Variants in LIPA observed in about 807,000 individuals in gnomAD.
LIPA encodes lysosomal acid lipase/cholesteryl ester hydrolase.
Under a neutral mutation model 40.6 loss-of-function variants are expected in LIPA, and 26 were observed. The ratio of observed to expected loss-of-function variants is 0.64; its 90% CI spans 0.47 to 0.89. The LOEUF is 0.89. LIPA is among the 40% of genes least tolerant of loss of function. The pLI, the probability that LIPA is intolerant of heterozygous loss-of-function variation, is 0.00. For missense variants in LIPA, 455 were observed against 479.6 expected, an observed-to-expected ratio of 0.95 and a Z score of 0.48; for synonymous variants, 188 against 168.4, an observed-to-expected ratio of 1.12 and a Z score of -0.90.
intron 1 of LIPA, among the ~76,000 whole-genome samples, chr10:89,259,852 A>T (rs1843198045): frequency 6.6e-6 from 1 of 152,190 alleles, no homozygotes; most frequent in South Asian, 2.1e-4. Flanking sequence ...CAGTCACAGA[A>T]AATTAGTGGT....
intron 3 of LIPA, among the ~76,000 whole-genome samples, chr10:89,243,639 C>T (rs1842989739): frequency 6.6e-6 from 1 of 152,050 alleles, no homozygotes; most frequent in Non-Finnish European, 1.5e-5. Context: ...CAGGGGCAAA[C>T]CCAGGTGTAG....
chr10:89,303,863 T>C (rs1260562449), intron 1 of LIPA, among the ~76,000 whole-genome samples: 1 of 152,166 alleles, frequency 6.6e-6, no homozygotes, highest in African/African-American at 2.4e-5. Context: ...TTAGGATGCG[T>C]GCTGCACATG....
At chr10:89,280,594 C>A (rs1274883553) in intron 1 of LIPA, among the ~76,000 whole-genome samples, 1 of 152,200 alleles carries the variant, frequency 6.6e-6, no homozygotes, top group Non-Finnish European at 1.5e-5. Context: ...CCCAGCTTCA[C>A]CCATTCATCT....
intron 2 of LIPA, among the ~76,000 whole-genome samples, chr10:89,394,627 TAA>T (rs200724657): frequency 0.17 from 5,881 of 34,848 alleles, 937 homozygotes; most frequent in African/African-American, 0.5. Flanking sequence ...TATATATATA[TAA>T]AACTTGAATT....
chr10:89,336,576 T>C (rs955255058), intron 1 of LIPA, among the ~76,000 whole-genome samples: 1 of 152,240 alleles, frequency 6.6e-6, no homozygotes, highest in African/African-American at 2.4e-5. Context: ...GCAAATAAAG[T>C]CAATGGCTCC....
At chr10:89,401,133 T>C (rs986847030) in intron 2 of LIPA, among the ~76,000 whole-genome samples, 5 of 152,168 alleles carry the variant, frequency 3.3e-5, no homozygotes, top group Non-Finnish European at 7.4e-5. Flanking sequence ...TTTTTTTTTT[T>C]TGAGACTGAG....
intron 1 of LIPA, chr10:89,302,075 A>T: frequency 6.2e-7 from 1 of 1,612,928 alleles, no homozygotes; most frequent in Non-Finnish European, 8.5e-7. Context: ...TGAAGAGTGC[A>T]GCTGCCTGAA....
At chr10:89,277,177 A>C (rs1487707895) in intron 1 of LIPA, among the ~76,000 whole-genome samples, 1 of 152,232 alleles carries the variant, frequency 6.6e-6, no homozygotes, top group Non-Finnish European at 1.5e-5. Flanking sequence ...ATGGAAGAAT[A>C]AAGCCTGCAT....
intron 2 of LIPA, chr10:89,378,050 A>G (rs1844135129): frequency 7.0e-7 from 1 of 1,428,972 alleles, no homozygotes; most frequent in Non-Finnish European, 9.8e-7. Context: ...TTATCTGAGA[A>G]GCCCTAGAAC....
At position 89,228,310 on chromosome 10, in the gene LIPA, G is replaced by A. The variant is rs1438679981; in HGVS notation, c.318C>T (p.Phe106=). Residue 106 remains phenylalanine, a synonymous_variant, in exon 4 of 10, where the codon TTC becomes TTT. Coordinates refer to ENST00000336233, the MANE Select transcript of LIPA (RefSeq NM_000235.4). ...VTNLANSSLG[F]ILADAGFDVW... Reference sequence around the variant, plus strand: ...CGTCAAAACCAGCATCAGCAAGAATGAAGCCCAGGCTGCTGTTGGCAAGGT... The same window carrying A: ...CGTCAAAACCAGCATCAGCAAGAATAAAGCCCAGGCTGCTGTTGGCAAGGT... 2 of 1,614,092 alleles carry A rather than the reference G, an allele frequency of 1.2e-6. No individual in the cohort carries two copies. Among genetic ancestry groups the A allele is most frequent in the Admixed American group, 1.7e-5 (1 of 60,004 alleles).
At chr10:89,403,799 CATT>C (rs1844483533) in intron 2 of LIPA, 3 of 722,298 alleles carry the variant, frequency 4.2e-6, no homozygotes, top group Non-Finnish European at 6.8e-6. Flanking sequence ...TTTTCAGAAA[CATT>C]ATAATTCACT....
chr10:89,373,955 C>T (rs557493820), intron 2 of LIPA, among the ~76,000 whole-genome samples: 4 of 152,252 alleles, frequency 2.6e-5, no homozygotes, highest in South Asian at 4.1e-4. Flanking sequence ...TTTGGGATTA[C>T]TTTTTTCAGA....
intron 6 of LIPA, among the ~76,000 whole-genome samples, chr10:89,224,282 TTTTTA>T (rs1472277407): frequency 6.6e-6 from 1 of 152,324 alleles, no homozygotes; most frequent in South Asian, 2.1e-4. Flanking sequence ...ATCGCTTGCT[TTTTTA>T]TTTTGTTTTT....
intron 1 of LIPA, chr10:89,338,576 G>T: frequency 7.6e-7 from 1 of 1,319,850 alleles, no homozygotes; most frequent in Non-Finnish European, 1.0e-6. Context: ...CTGTGGCCCA[G>T]TTCAATTGAC....
In LIPA at chr10:89,353,940, C is replaced by CA. The variant is rs796348512; in HGVS notation, c.61+58850dup. 8.6e-3 allele frequency among the ~76,000 whole-genome samples: 1,207 copies of CA among 140,702 alleles called. 13 individuals are homozygous for CA. Among genetic ancestry groups the CA allele is most frequent in the African/African-American group, 0.022 (840 of 38,536 alleles). The allele number at this position is 140,702 out of a possible 152,430, so 92.3% of individuals were successfully genotyped here. A position where few individuals can be genotyped will look rare whatever the true frequency, so the allele number is the denominator to read the frequency against. ...TGGGTGACAGAATGAGACTCCGTCT[C>CA]AAAAAAAAAAAAGAATATAAAGTGC... is the stretch of plus-strand genomic sequence containing the variant. On this transcript the variant is annotated intron_variant, in intron 2 of 8. Coordinates refer to the LIPA transcript ENST00000371837.
At chr10:89,375,180 G>A (rs1005093098) in intron 2 of LIPA, among the ~76,000 whole-genome samples, 1 of 152,170 alleles carries the variant, frequency 6.6e-6, no homozygotes, top group African/African-American at 2.4e-5. Context: ...ACCCCATGAC[G>A]AAAGTCCTAG....
At chr10:89,228,797 T>A (rs1055577325) in intron 3 of LIPA, among the ~76,000 whole-genome samples, 4 of 152,166 alleles carry the variant, frequency 2.6e-5, no homozygotes, top group African/African-American at 9.7e-5. Context: ...AGATCACACA[T>A]AATGAGACAT....
At chr10:89,216,427 T>C (rs189368938) in intron 8 of LIPA, among the ~76,000 whole-genome samples, 11 of 140,876 alleles carry the variant, frequency 7.8e-5, no homozygotes, top group African/African-American at 1.6e-4. Context: ...ATATATATAA[T>C]AGAGAGAGAG....
In LIPA at chr10:89,392,594, T is replaced by C. The variant is rs1357801561; in HGVS notation, c.61+20197A>G. On this transcript the variant is annotated intron_variant, in intron 2 of 8. Coordinates refer to the LIPA transcript ENST00000371837. ...ACCATTGGCTGCTGTTTAGCTCCCT[T>C]ATATAACACTGTCTTGGGGTTTAAA... The C allele has an allele frequency of 4.5e-6, 5 of 1,102,588 alleles. No individual in the cohort carries two copies. In the African/African-American group the frequency reaches 6.2e-5, roughly 14 times the overall value. 68.3% of individuals were successfully genotyped at this position (1,102,588 alleles called of 1,614,324 possible).
Sources: allele counts gnomAD v4.1 joint callset (sites outside exome capture counted in the v4.1 genomes callset), GRCh38; gene constraint gnomAD v4.1.1; transcripts MANE v1.5; gene names NCBI Gene and HGNC (gene_info 2026-07-23, HGNC 2026-07-21).